PRKCI: variants seen among roughly 807,000 people sequenced by gnomAD.
PRKCI encodes protein kinase C iota.
Under a neutral mutation model 84.0 loss-of-function variants are expected in PRKCI, and 43 were observed. That is an observed-to-expected ratio of 0.51 (90% CI 0.40 to 0.66). PRKCI has a LOEUF of 0.66. Among genes scored for constraint, PRKCI ranks in the 30% least tolerant of loss-of-function variants. The probability of loss-of-function intolerance (pLI) is 0.00; values close to 1 mark genes in which losing one functional copy is unlikely to be tolerated. For missense variants in PRKCI, 459 were observed against 745.6 expected, an observed-to-expected ratio of 0.62 and a Z score of 4.48; for synonymous variants, 216 against 234.4, an observed-to-expected ratio of 0.92 and a Z score of 0.72.
chr3:170,256,544 C>A (rs956553194), intron 2 of PRKCI, among the ~76,000 whole-genome samples: 4 of 151,958 alleles, frequency 2.6e-5, no homozygotes, highest in African/African-American at 9.7e-5. Context: ...GATTTGATTT[C>A]TTTGGGTCTT....
intron 12 of PRKCI, among the ~76,000 whole-genome samples, chr3:170,285,272 G>A (rs928258303): frequency 6.6e-6 from 1 of 151,884 alleles, no homozygotes; most frequent in African/African-American, 2.4e-5. Flanking sequence ...GAAGAGACGG[G>A]GTTTCACCAT....
chr3:170,286,080 A>G (rs1278706396), intron 12 of PRKCI, among the ~76,000 whole-genome samples: 1 of 151,814 alleles, frequency 6.6e-6, no homozygotes, highest in African/African-American at 2.4e-5. Flanking sequence ...ACCTGCCACC[A>G]TGCCCGGCTA....
chr3:170,270,687 G>A, intron 6 of PRKCI, 126 bp downstream of exon 6: 1 of 1,197,030 alleles, frequency 8.4e-7, no homozygotes, highest in East Asian at 2.5e-5. Flanking sequence ...ACAGAGTATG[G>A]GGAGGAATAC....
In PRKCI at chr3:170,260,010, G is replaced by A. The variant is rs982119706; in HGVS notation, c.265G>A (p.Ala89Thr). The A allele has an allele frequency of 6.2e-7, 1 of 1,612,974 alleles. No individual in the cohort carries two copies. The highest frequency in any genetic ancestry group is 8.5e-7 in the Non-Finnish European group (1 of 1,179,456). The part of the protein sequence containing the change: ...TVSSQLELEE[A>T]FRLYELNKDS... ...ATCATCTCAGTTGGAGTTAGAAGAAGCCTTTAGACTTTATGAGCTAAACAA... is the reference window on the plus strand; with the variant it reads ...ATCATCTCAGTTGGAGTTAGAAGAAACCTTTAGACTTTATGAGCTAAACAA... The change falls in exon 3 of 18, where the codon GCC becomes ACC. Residue 89 changes from alanine (A) to threonine (T), a missense_variant. By Grantham distance (58) the Ala-to-Thr change is moderately conservative. Coordinates refer to ENST00000295797, the MANE Select transcript of PRKCI (RefSeq NM_002740.6).
chr3:170,268,943 C>T (rs1239382419), intron 5 of PRKCI, among the ~76,000 whole-genome samples: 3 of 152,152 alleles, frequency 2.0e-5, no homozygotes, highest in East Asian at 3.9e-4. Context: ...AAGACAGAGT[C>T]CCGCTCTATC....
At chr3:170,263,055 G>C (rs1386252012) in intron 3 of PRKCI, among the ~76,000 whole-genome samples, 1 of 151,308 alleles carries the variant, frequency 6.6e-6, no homozygotes, top group East Asian at 1.9e-4. Flanking sequence ...TGTAGTCCCA[G>C]CTACACGGGA....
chr3:170,225,279 C>T lies in PRKCI; in HGVS notation c.101+2509C>T, dbSNP rs141200589. On this transcript the variant is annotated intron_variant, in intron 1 of 17. Coordinates refer to ENST00000295797, the MANE Select transcript of PRKCI (RefSeq NM_002740.6). The stretch of plus-strand genomic sequence containing the variant: ...ACTCTAAATTGTACCAAATTCCTGT[C>T]CTCTGAAATTAGATGTTAAGATTAT... 4.5e-3 allele frequency among the ~76,000 whole-genome samples: 683 copies of T among 152,230 alleles called. 8 individuals are homozygous for T. The highest frequency in any genetic ancestry group is 0.015 in the African/African-American group (612 of 41,554).
chr3:170,249,042 G>T (rs754739118), intron 2 of PRKCI, among the ~76,000 whole-genome samples: 2 of 151,874 alleles, frequency 1.3e-5, no homozygotes, highest in Non-Finnish European at 2.9e-5. Context: ...TAGAGACGGG[G>T]TTTCACCATG....
intron 1 of PRKCI, among the ~76,000 whole-genome samples, chr3:170,223,619 A>AT (rs905656356): frequency 8.6e-5 from 13 of 151,536 alleles, no homozygotes; most frequent in Non-Finnish European, 1.2e-4. Flanking sequence ...TGTGGTTTGA[A>AT]TTTTTTTTTG....
At chr3:170,291,972 C>T (rs2108864967) in intron 13 of PRKCI, 31 bp downstream of exon 13, 1 of 1,477,358 alleles carries the variant, frequency 6.8e-7, no homozygotes, top group African/African-American at 1.4e-5. Flanking sequence ...ATTATTTTAG[C>T]TATTGCTAGA....
At chr3:170,286,590 T>C (rs1734397505) in intron 12 of PRKCI, among the ~76,000 whole-genome samples, 1 of 149,728 alleles carries the variant, frequency 6.7e-6, no homozygotes, top group Non-Finnish European at 1.5e-5. Flanking sequence ...CTGGTGTGTA[T>C]ATAAATTGTT....
chr3:170,301,374 C>CA (rs1734813545), intron 17 of PRKCI, among the ~76,000 whole-genome samples: 1 of 152,202 alleles, frequency 6.6e-6, no homozygotes, highest in African/African-American at 2.4e-5. Context: ...AAGCACTTAT[C>CA]CCCTGCCGTT....
intron 8 of PRKCI, among the ~76,000 whole-genome samples, chr3:170,279,012 T>C (rs1472381531): frequency 6.6e-6 from 1 of 152,218 alleles, no homozygotes. Flanking sequence ...TATCACCTTG[T>C]TACCAAATCA....
chr3:170,290,914 G>C (rs1300769228), intron 12 of PRKCI, among the ~76,000 whole-genome samples: 2 of 152,154 alleles, frequency 1.3e-5, no homozygotes, highest in East Asian at 3.9e-4. Flanking sequence ...GAGGTGGGCA[G>C]ATCATCTGGT....
At chr3:170,248,605 C>T (rs78658876) in intron 2 of PRKCI, among the ~76,000 whole-genome samples, 3,201 of 152,020 alleles carry the variant, frequency 0.021, 53 homozygotes, top group East Asian at 0.085. Flanking sequence ...AGCAGTTGGC[C>T]GAAACAGGTA....
intron 3 of PRKCI, among the ~76,000 whole-genome samples, chr3:170,262,356 A>T (rs746389006): frequency 3.9e-5 from 6 of 152,200 alleles, no homozygotes; most frequent in African/African-American, 7.2e-5. Context: ...TTGTCCTACT[A>T]TACCAAGGAT....
At chr3:170,253,745 C>T (rs889133017) in intron 2 of PRKCI, among the ~76,000 whole-genome samples, 1 of 151,512 alleles carries the variant, frequency 6.6e-6, no homozygotes. Context: ...GAGCCGAGAT[C>T]GTGCCACTGC....
At chr3:170,231,045 C>T (rs967597382) in intron 1 of PRKCI, among the ~76,000 whole-genome samples, 1 of 150,608 alleles carries the variant, frequency 6.6e-6, no homozygotes, top group Admixed American at 6.6e-5. Flanking sequence ...CTGCAACCTC[C>T]GCCTCCCAGG....
chr3:170,262,301 G>A (rs1446452125), intron 3 of PRKCI, among the ~76,000 whole-genome samples: 1 of 151,984 alleles, frequency 6.6e-6, no homozygotes, highest in African/African-American at 2.4e-5. Context: ...TTCCATATTT[G>A]TATACATTTT....
Sources: allele counts gnomAD v4.1 joint callset (sites outside exome capture counted in the v4.1 genomes callset), GRCh38; gene constraint gnomAD v4.1.1; transcripts MANE v1.5; gene names NCBI Gene and HGNC (gene_info 2026-07-23, HGNC 2026-07-21).